The following UGT1A8 variants were observed in gnomAD, a reference collection of about 807,000 sequenced individuals.
UGT1A8 encodes the protein UDP-glucuronosyltransferase 1A8.
A neutral mutation model predicts 45.3 loss-of-function variants in UGT1A8; 39 were observed. The ratio of observed to expected loss-of-function variants is 0.86; its 90% confidence interval spans 0.67 to 1.12. The LOEUF (loss-of-function observed/expected upper bound fraction) is 1.12, where lower values mean the gene tolerates loss of function less well. UGT1A8 is among the 50% of genes most tolerant of loss of function. The pLI is 0.00. For missense variants in UGT1A8, 719 were observed against 664.9 expected (o/e 1.08, Z -0.90); for synonymous variants, 275 against 249.2 (o/e 1.10, Z -0.97).
chr2:233,617,699 A>G lies in UGT1A8; in HGVS notation c.-9A>G, dbSNP rs765512147. On this transcript the variant is annotated 5_prime_UTR_variant, in exon 1 of 5. Coordinates refer to ENST00000373450, the MANE Select transcript of UGT1A8 (RefSeq NM_019076.5). ...AATCCCAGCTGCTGGCTCGGGCTGC[A>G]GTTCTCTCATGGCTCGCACAGGGTG... 6.2e-7 allele frequency: 1 copy of G among 1,608,346 alleles called. No individual in the cohort carries two copies. The highest frequency in any genetic ancestry group is 1.1e-5 in the South Asian group (1 of 90,288).
intron 1 of UGT1A8, chr2:233,693,417 T>C: frequency 6.2e-7 from 1 of 1,614,112 alleles, no homozygotes; most frequent in Non-Finnish European, 8.5e-7. Flanking sequence ...ACCCTGAACT[T>C]CTTTAAGGAG....
chr2:233,747,735 A>C, intron 1 of UGT1A8: 1 of 1,613,360 alleles, frequency 6.2e-7, no homozygotes, highest in Non-Finnish European at 8.5e-7. Flanking sequence ...TTTTTTGAGG[A>C]ACATTCCATG....
chr2:233,730,202 A>G (rs1380136603), intron 1 of UGT1A8, among the ~76,000 whole-genome samples: 2 of 152,160 alleles, frequency 1.3e-5, no homozygotes, highest in African/African-American at 4.8e-5. Context: ...GAGGAAGAGG[A>G]AGTAGACACG....
chr2:233,724,187 G>A (rs1459882110), intron 1 of UGT1A8, among the ~76,000 whole-genome samples: 4 of 123,398 alleles, frequency 3.2e-5, no homozygotes, highest in Admixed American at 7.5e-5. Context: ...CCTCCCGGAC[G>A]GGGTGGCTGG....
chr2:233,750,918 A>G (rs1308171109), intron 1 of UGT1A8, among the ~76,000 whole-genome samples: 1 of 151,874 alleles, frequency 6.6e-6, no homozygotes, highest in Admixed American at 6.5e-5. Context: ...AGGGTGGTAA[A>G]GAAATGTGAG....
chr2:233,763,240 C>T (rs1698267751), intron 1 of UGT1A8, among the ~76,000 whole-genome samples: 1 of 152,140 alleles, frequency 6.6e-6, no homozygotes, highest in African/African-American at 2.4e-5. Flanking sequence ...TAAATTGTAC[C>T]TTTTAGTAAC....
chr2:233,628,352 A>G (rs1255923774), intron 1 of UGT1A8, among the ~76,000 whole-genome samples: 1 of 152,034 alleles, frequency 6.6e-6, no homozygotes, highest in Non-Finnish European at 1.5e-5. Context: ...ATTTCTTAAA[A>G]TTTTTGCAAT....
chr2:233,724,484 G>GAT (rs2077266609), intron 1 of UGT1A8, among the ~76,000 whole-genome samples: 7 of 76,988 alleles, frequency 9.1e-5, no homozygotes, highest in Admixed American at 2.6e-4. Flanking sequence ...CTTCTCAGAC[G>GAT]GGGCGGCCGG....
At chr2:233,682,259 C>T (rs201200762) in intron 1 of UGT1A8, 3 of 1,614,054 alleles carry the variant, frequency 1.9e-6, no homozygotes, top group African/African-American at 1.3e-5. Context: ...TGCATTTTCT[C>T]TATTAACAAG....
chr2:233,632,796 C>T (rs1218083616), intron 1 of UGT1A8, among the ~76,000 whole-genome samples: 1 of 152,166 alleles, frequency 6.6e-6, no homozygotes, highest in East Asian at 1.9e-4. Flanking sequence ...ATTTGACTTT[C>T]TCTCTTCCTA....
intron 1 of UGT1A8, chr2:233,761,067 T>C (rs1431222562): frequency 6.2e-7 from 1 of 1,614,228 alleles, no homozygotes; most frequent in African/African-American, 1.3e-5. Flanking sequence ...GAAGTGACTT[T>C]GTGAAGGATT....
At chr2:233,754,028 T>C (rs751344508) in intron 1 of UGT1A8, among the ~76,000 whole-genome samples, 3 of 152,268 alleles carry the variant, frequency 2.0e-5, no homozygotes, top group African/African-American at 7.2e-5. Context: ...AGGAAACGAA[T>C]GCATCCACTT....
chr2:233,728,143 T>C (rs2077685239), intron 1 of UGT1A8, among the ~76,000 whole-genome samples: 1 of 152,216 alleles, frequency 6.6e-6, no homozygotes, highest in African/African-American at 2.4e-5. Flanking sequence ...CCCCACAAAT[T>C]GTGCAGCCCA....
intron 1 of UGT1A8, chr2:233,717,654 A>G (rs1175900251): frequency 1.5e-5 from 6 of 405,858 alleles, no homozygotes; most frequent in Admixed American, 1.3e-4. Flanking sequence ...CAGGACAAGG[A>G]AGCATCAGCA....
intron 1 of UGT1A8, among the ~76,000 whole-genome samples, chr2:233,661,623 T>TTTTCTTTCTTTCTTTA (rs1265546183): frequency 5.5e-4 from 68 of 124,046 alleles, no homozygotes; most frequent in African/African-American, 1.9e-3. Flanking sequence ...ACTTACTGAA[T>TTTTCTTTCTTTCTTTA]TTTCTTTCTT....
Position 233,625,197 on chromosome 2 carries a change from A to G in UGT1A8, c.855+6635A>G, listed in dbSNP as rs1479317014. 2.6e-5 allele frequency among the ~76,000 whole-genome samples: 4 copies of G among 152,260 alleles called. No homozygotes were observed. In the East Asian group the frequency reaches 5.8e-4, roughly 22 times the overall value. On this transcript the variant is annotated intron_variant, in intron 1 of 4. Transcript: ENST00000373450. ...CATAACATATGAAAAAATGCCCAAC[A>G]TCACTAATCATCAGAGAAATGAAAG...
intron 1 of UGT1A8, among the ~76,000 whole-genome samples, chr2:233,734,195 T>C (rs2078497247): frequency 6.6e-6 from 1 of 152,310 alleles, no homozygotes; most frequent in African/African-American, 2.4e-5. Context: ...ATTGCCTCAA[T>C]TTCAGAGCCT....
At chr2:233,687,583 TAAAAAAAAAAAAAA>T (rs71398794) in intron 1 of UGT1A8, among the ~76,000 whole-genome samples, 2,994 of 107,480 alleles carry the variant, frequency 0.028, 123 homozygotes, top group African/African-American at 0.095. Flanking sequence ...ACATTCTTTG[TAAAAAAAAAAAAAA>T]AAAAAAAAAA....
chr2:233,659,210 A>C (rs1387144913), intron 1 of UGT1A8, among the ~76,000 whole-genome samples: 1 of 152,090 alleles, frequency 6.6e-6, no homozygotes, highest in African/African-American at 2.4e-5. Flanking sequence ...GCAATTGTTC[A>C]TTGCTAGTAC....
Sources: allele counts gnomAD v4.1 joint callset (sites outside exome capture counted in the v4.1 genomes callset), GRCh38; gene constraint gnomAD v4.1.1; transcripts MANE v1.5; gene names NCBI Gene and HGNC (gene_info 2026-07-23, HGNC 2026-07-21).